The following VPS45 variants were observed in gnomAD, a reference collection of about 807,000 sequenced individuals.
VPS45 encodes the protein vacuolar protein sorting 45 homolog.
In VPS45, 35 loss-of-function variants were observed where a neutral mutation model predicts 75.9. The observed-to-expected ratio is 0.46, with a 90% CI of 0.35 to 0.61. VPS45 has a LOEUF of 0.61. Among genes scored for constraint, VPS45 ranks in the 20% least tolerant of loss-of-function variants. The pLI is 0.00. For missense variants in VPS45, 559 were observed against 685.9 expected, an observed-to-expected ratio of 0.81 and a Z score of 2.07; for synonymous variants, 220 against 238.2, an observed-to-expected ratio of 0.92 and a Z score of 0.70.
intron 2 of VPS45, among the ~76,000 whole-genome samples, chr1:150,070,558 C>G (rs587615721): frequency 3.3e-5 from 5 of 150,556 alleles, no homozygotes; most frequent in African/African-American, 7.3e-5. Flanking sequence ...TTTGGGAGGC[C>G]AAGGCAGGCG....
intron 14 of VPS45, among the ~76,000 whole-genome samples, chr1:150,144,044 T>C (rs1553816004): frequency 6.6e-6 from 1 of 152,106 alleles, no homozygotes; most frequent in Non-Finnish European, 1.5e-5. Context: ...TTTCCATAAG[T>C]AAAAGAAAGG....
intron 3 of VPS45, 48 bp from the exon 4 acceptor site, chr1:150,076,185 G>A: frequency 1.3e-6 from 2 of 1,484,430 alleles, no homozygotes; most frequent in Non-Finnish European, 9.2e-7. Context: ...TACATATATT[G>A]CAGCAGAAAT....
rs1335762778 is a variant in VPS45, at chr1:150,082,782, G to C, written c.1003G>C (p.Val335Leu). ...GACTGTTTCAAAGCATGTGACAGTG[G>C]TTGGAGAACTGTCTCGATTGGTCAG... is the stretch of plus-strand genomic sequence containing the variant. ...SGTVSKHVTVVGELSRLVSER... is the reference protein window; with the variant it reads ...SGTVSKHVTVLGELSRLVSER... Residue 335 changes from valine to leucine, a missense_variant, in exon 10 of 15, where the codon GTT becomes CTT. Val to Leu is a conservative substitution (Grantham distance 32). Transcript: ENST00000644510. 1 of 1,614,044 alleles carries C rather than the reference G, an allele frequency of 6.2e-7. No homozygotes were observed. The highest frequency in any genetic ancestry group is 1.1e-5 in the South Asian group (1 of 91,090).
intron 13 of VPS45, among the ~76,000 whole-genome samples, chr1:150,099,845 A>T (rs1380937247): frequency 6.6e-6 from 1 of 151,376 alleles, no homozygotes; most frequent in Non-Finnish European, 1.5e-5. Context: ...AAAAAAAAAA[A>T]AAAAAAGAGC....
chr1:150,123,650 G>C (rs1489122165), intron 14 of VPS45, among the ~76,000 whole-genome samples: 1 of 152,152 alleles, frequency 6.6e-6, no homozygotes, highest in African/African-American at 2.4e-5. Flanking sequence ...ATATTAAAGA[G>C]TTCTAGTCCC....
chr1:150,094,162 A>G (rs1553802596), intron 13 of VPS45, among the ~76,000 whole-genome samples: 1 of 152,230 alleles, frequency 6.6e-6, no homozygotes, highest in Non-Finnish European at 1.5e-5. Flanking sequence ...ATCTTAATCC[A>G]GTGGTTAATT....
chr1:150,121,029 G>A (rs958006874), intron 14 of VPS45, among the ~76,000 whole-genome samples: 2 of 151,780 alleles, frequency 1.3e-5, no homozygotes, highest in Non-Finnish European at 2.9e-5. Context: ...CACCGCGCCC[G>A]GCTAATTTTT....
At chr1:150,107,933 G>A (rs973686059) in intron 13 of VPS45, among the ~76,000 whole-genome samples, 2 of 152,058 alleles carry the variant, frequency 1.3e-5, no homozygotes, top group Non-Finnish European at 2.9e-5. Flanking sequence ...ATAGTAACCT[G>A]TGAGAACCCC....
chr1:150,115,942 T>C (rs782136296), intron 14 of VPS45, among the ~76,000 whole-genome samples: 2 of 152,212 alleles, frequency 1.3e-5, no homozygotes, highest in Non-Finnish European at 2.9e-5. Flanking sequence ...TTTATACTTA[T>C]CAAGCTAAGT....
intron 14 of VPS45, among the ~76,000 whole-genome samples, chr1:150,127,249 C>T (rs782771189): frequency 1.3e-5 from 2 of 151,906 alleles, no homozygotes; most frequent in Admixed American, 6.6e-5. Flanking sequence ...AATGTGGCCA[C>T]GAGAACATTT....
intron 13 of VPS45, among the ~76,000 whole-genome samples, chr1:150,108,572 G>T (rs587605521): frequency 1.3e-5 from 2 of 152,220 alleles, no homozygotes; most frequent in African/African-American, 4.8e-5. Context: ...GATGAAGTGG[G>T]ACCATAAAAG....
intron 10 of VPS45, among the ~76,000 whole-genome samples, chr1:150,086,589 T>A (rs974878419): frequency 6.6e-6 from 1 of 152,136 alleles, no homozygotes; most frequent in Non-Finnish European, 1.5e-5. Context: ...ATTAATTAAA[T>A]GTAAAAATGA....
intron 3 of VPS45, among the ~76,000 whole-genome samples, 159 bp downstream of exon 3, chr1:150,072,385 G>A (rs187816257): frequency 1.2e-3 from 185 of 152,016 alleles, no homozygotes; most frequent in Non-Finnish European, 1.6e-3. Flanking sequence ...TTGACCTGCC[G>A]GGCGCGGTGG....
At chr1:150,102,932 TG>T (rs1248972742) in intron 13 of VPS45, among the ~76,000 whole-genome samples, 1 of 152,174 alleles carries the variant, frequency 6.6e-6, no homozygotes, top group Non-Finnish European at 1.5e-5. Context: ...GCTTAATAAC[TG>T]GGTGATGTAA....
At chr1:150,106,660 C>G (rs1419492192) in intron 13 of VPS45, among the ~76,000 whole-genome samples, 1 of 151,268 alleles carries the variant, frequency 6.6e-6, no homozygotes, top group Non-Finnish European at 1.5e-5. Flanking sequence ...CCCATCACCC[C>G]ATTATTTTCA....
In VPS45 at chr1:150,110,598, G is replaced by A. The variant is rs1469901526; in HGVS notation, c.1596G>A (p.Leu532=). The A allele has an allele frequency of 1.2e-6, 2 of 1,612,970 alleles. No homozygotes were observed. The highest frequency in any genetic ancestry group is 1.1e-5 in the South Asian group (1 of 90,954). Residue 532 remains leucine (L), a synonymous_variant, in exon 14 of 15, where the codon CTG becomes CTA. Coordinates refer to ENST00000644510, the MANE Select transcript of VPS45 (RefSeq NM_007259.5). ...NRTTPGVRIV[L]GGTTVHNTKS... is the part of the protein sequence containing the mutation. ...CCACTCCTGGAGTGAGGATTGTCCT[G>A]GGAGGCACCACAGTGCACAACACGA...
At chr1:150,078,885 A>G (rs1655541345) in intron 7 of VPS45, among the ~76,000 whole-genome samples, 1 of 151,946 alleles carries the variant, frequency 6.6e-6, no homozygotes, top group Non-Finnish European at 1.5e-5. Context: ...CGAGGTGGGT[A>G]GATCACCTGA....
intron 14 of VPS45, among the ~76,000 whole-genome samples, chr1:150,141,270 T>A (rs1553815216): frequency 6.6e-6 from 1 of 152,214 alleles, no homozygotes; most frequent in African/African-American, 2.4e-5. Flanking sequence ...TCTATTTTTT[T>A]AATTATTATA....
At chr1:150,074,124 C>T (rs587630119) in intron 3 of VPS45, among the ~76,000 whole-genome samples, 7 of 151,780 alleles carry the variant, frequency 4.6e-5, no homozygotes, top group African/African-American at 1.7e-4. Context: ...AAGCGATTCT[C>T]CCACCTCAGC....
Sources: allele counts gnomAD v4.1 joint callset (sites outside exome capture counted in the v4.1 genomes callset), GRCh38; gene constraint gnomAD v4.1.1; transcripts MANE v1.5; gene names NCBI Gene and HGNC (gene_info 2026-07-23, HGNC 2026-07-21).